ZNF385D: variants seen among roughly 807,000 people sequenced by gnomAD.
The protein encoded by ZNF385D is zinc finger protein 385D.
Under a neutral mutation model 35.8 loss-of-function variants are expected in ZNF385D, and 15 were observed. That is an observed-to-expected ratio of 0.42 (90% CI 0.28 to 0.64). The LOEUF (loss-of-function observed/expected upper bound fraction) is 0.64, where lower values mean the gene tolerates loss of function less well. Among genes scored for constraint, ZNF385D ranks in the 30% least tolerant of loss-of-function variants. The pLI is 0.23. For missense variants in ZNF385D, 474 were observed against 494.6 expected (o/e 0.96, Z 0.39); for synonymous variants, 212 against 186.8 (o/e 1.13, Z -1.10).
At chr3:21,945,887 T>G (rs1472607649) in intron 3 of ZNF385D, among the ~76,000 whole-genome samples, 1 of 152,214 alleles carries the variant, frequency 6.6e-6, no homozygotes, top group Non-Finnish European at 1.5e-5. Context: ...TTTGAGGAAT[T>G]CAGATTAATA....
chr3:21,615,347 A>C (rs58009608), intron 2 of ZNF385D, among the ~76,000 whole-genome samples: 7 of 135,076 alleles, frequency 5.2e-5, no homozygotes, highest in Non-Finnish European at 1.2e-4. Flanking sequence ...TGCTGGTGCC[A>C]TGCTTTGTGT....
chr3:22,110,356 C>G (rs569429182), intron 3 of ZNF385D, among the ~76,000 whole-genome samples: 24 of 151,882 alleles, frequency 1.6e-4, no homozygotes, highest in East Asian at 7.7e-4. Flanking sequence ...TATTGCGGCA[C>G]TATTCACAAT....
At chr3:21,563,915 G>A (rs2063048313) in intron 3 of ZNF385D, among the ~76,000 whole-genome samples, 1 of 152,074 alleles carries the variant, frequency 6.6e-6, no homozygotes. Flanking sequence ...TGGATCCAGA[G>A]TCCACCCTAG....
chr3:21,594,991 C>G (rs1044754674), intron 2 of ZNF385D, among the ~76,000 whole-genome samples: 1 of 152,164 alleles, frequency 6.6e-6, no homozygotes, highest in African/African-American at 2.4e-5. Flanking sequence ...TAATTAAATG[C>G]TCTTTTTTCT....
At chr3:22,016,320 G>C (rs1696881131) in intron 3 of ZNF385D, among the ~76,000 whole-genome samples, 1 of 152,060 alleles carries the variant, frequency 6.6e-6, no homozygotes, top group Non-Finnish European at 1.5e-5. Context: ...CCTCAGCAAA[G>C]ATTTACCTAG....
intron 2 of ZNF385D, among the ~76,000 whole-genome samples, chr3:21,611,073 T>C (rs568421827): frequency 6.6e-6 from 1 of 152,324 alleles, no homozygotes; most frequent in South Asian, 2.1e-4. Context: ...CAGCAAGGAA[T>C]AGAATCTCCA....
chr3:21,513,865 T>C (rs914747921), intron 3 of ZNF385D, among the ~76,000 whole-genome samples: 1 of 152,194 alleles, frequency 6.6e-6, no homozygotes, highest in Non-Finnish European at 1.5e-5. Context: ...TCTACCTTGA[T>C]TCAGGTATGC....
chr3:21,528,856 A>G (rs2061851739), intron 3 of ZNF385D, among the ~76,000 whole-genome samples: 1 of 152,214 alleles, frequency 6.6e-6, no homozygotes, highest in South Asian at 2.1e-4. Context: ...TGAAGTCTGT[A>G]AGATTTCATT....
At chr3:22,205,957 T>C (rs62246461) in intron 2 of ZNF385D, among the ~76,000 whole-genome samples, 20,245 of 151,784 alleles carry the variant, frequency 0.13, 1,428 homozygotes, top group Middle Eastern at 0.18. Flanking sequence ...TCAAAAGACA[T>C]AGAGTGGCTG....
intron 3 of ZNF385D, among the ~76,000 whole-genome samples, chr3:21,761,869 C>CTTTTTTT (rs58790934): frequency 3.9e-5 from 3 of 77,226 alleles, no homozygotes; most frequent in East Asian, 4.8e-4. Flanking sequence ...CATTTTCTTC[C>CTTTTTTT]TTTTTTTTTT....
rs373641762 is a variant in ZNF385D at position 22,176,606 on chromosome 3, T to C, written c.107-7571A>G. On this transcript the variant is annotated intron_variant, in intron 2 of 5. Transcript: ENST00000494108. ...TTAACTGAATATTTGCAGACTCACCTACAAAAATTAAGCCCAGAGTGGCAG... is the reference window on the plus strand; with the variant it reads ...TTAACTGAATATTTGCAGACTCACCCACAAAAATTAAGCCCAGAGTGGCAG... Among the ~76,000 whole-genome samples the C allele has an allele frequency of 2.0e-3, 309 of 152,270 alleles. 11 individuals are homozygous for C. The South Asian group carries it at 0.047, about 23-fold the overall frequency.
chr3:22,304,364 AT>A (rs1703087295), intron 2 of ZNF385D, among the ~76,000 whole-genome samples: 1 of 152,232 alleles, frequency 6.6e-6, no homozygotes, highest in African/African-American at 2.4e-5. Context: ...TATATTTAAG[AT>A]TCTTGAATCT....
At chr3:21,580,865 C>T (rs1339773587) in intron 2 of ZNF385D, among the ~76,000 whole-genome samples, 2 of 151,886 alleles carry the variant, frequency 1.3e-5, no homozygotes, top group Admixed American at 1.3e-4. Flanking sequence ...ACCATATTTA[C>T]CCACCAATTC....
At chr3:22,080,202 A>C (rs1286067824) in intron 3 of ZNF385D, among the ~76,000 whole-genome samples, 1 of 152,106 alleles carries the variant, frequency 6.6e-6, no homozygotes, top group East Asian at 1.9e-4. Context: ...GATCCTGGAA[A>C]AATCATTGTG....
At chr3:22,059,628 T>G (rs1559338000) in intron 3 of ZNF385D, among the ~76,000 whole-genome samples, 2 of 152,178 alleles carry the variant, frequency 1.3e-5, no homozygotes, top group East Asian at 3.9e-4. Context: ...ATCAGCTTCT[T>G]GGAATGCCTT....
chr3:21,819,803 TAAATATA>T (rs78957185), intron 3 of ZNF385D, among the ~76,000 whole-genome samples: 12,005 of 146,494 alleles, frequency 0.082, 539 homozygotes, highest in Non-Finnish European at 0.099. Context: ...CATATATACA[TAAATATA>T]ATATACATAA....
At chr3:21,430,146 A>C (rs940115384) in intron 5 of ZNF385D, among the ~76,000 whole-genome samples, 2 of 152,072 alleles carry the variant, frequency 1.3e-5, no homozygotes, top group Non-Finnish European at 2.9e-5. Context: ...TTTTTCCTAA[A>C]GAAGAAAACT....
At chr3:21,590,117 G>A (rs980608889) in intron 2 of ZNF385D, among the ~76,000 whole-genome samples, 2 of 152,106 alleles carry the variant, frequency 1.3e-5, no homozygotes, top group East Asian at 3.9e-4. Flanking sequence ...CAGTGGAATA[G>A]ACCTGTACCC....
At position 21,412,582 on chromosome 3, in the gene ZNF385D, T is replaced by C. The variant is rs2125226634; in HGVS notation, c.*8632A>G. ...GAATAAGGACATGAACAGACCAATG[T>C]CTTGACACCACTGGCAATATTACAT... On this transcript the variant is annotated 3_prime_UTR_variant, in exon 8 of 8. Transcript: ENST00000281523. 6.6e-6 allele frequency: 1 copy of C among 152,196 alleles called. No homozygotes were observed. The highest frequency in any genetic ancestry group is 1.9e-4 in the East Asian group (1 of 5,180). 9.4% of individuals were successfully genotyped at this position (152,196 alleles called of 1,614,324 possible).
Sources: gnomAD v4.1 joint callset for allele counts (sites outside exome capture counted in the v4.1 genomes callset) on GRCh38, gnomAD v4.1.1 for gene constraint, MANE v1.5 for transcripts, NCBI Gene and HGNC (gene_info 2026-07-23, HGNC 2026-07-21) for gene names.